Variants in THSD4 observed in about 807,000 individuals in gnomAD.
THSD4 encodes the protein thrombospondin type-1 domain-containing protein 4.
Under a neutral mutation model 119.0 loss-of-function variants are expected in THSD4, and 69 were observed. That is an observed-to-expected ratio of 0.58 (90% CI 0.48 to 0.71). The LOEUF (loss-of-function observed/expected upper bound fraction) is 0.71, where lower values mean the gene tolerates loss of function less well. Ranked by LOEUF, THSD4 falls within the 30% of genes least tolerant of loss-of-function variation. THSD4 has a pLI of 0.00. For missense variants in THSD4, 1,393 were observed against 1,391.1 expected, an observed-to-expected ratio of 1.00 and a Z score of -0.02; for synonymous variants, 524 against 540.4, an observed-to-expected ratio of 0.97 and a Z score of 0.42.
intron 6 of THSD4, among the ~76,000 whole-genome samples, chr15:71,320,818 C>T (rs2045256472): frequency 2.0e-5 from 3 of 151,956 alleles, no homozygotes; most frequent in Non-Finnish European, 4.4e-5. Flanking sequence ...TTTTTTTCAA[C>T]ATCAAGGAAG....
intron 11 of THSD4, among the ~76,000 whole-genome samples, chr15:71,743,257 G>T (rs78576194): frequency 4.6e-5 from 7 of 152,098 alleles, no homozygotes; most frequent in African/African-American, 1.7e-4. Flanking sequence ...TCCTATGGGA[G>T]CCTGTATCCT....
At chr15:71,679,331 T>C (rs1310554332) in intron 8 of THSD4, among the ~76,000 whole-genome samples, 1 of 152,180 alleles carries the variant, frequency 6.6e-6, no homozygotes, top group Non-Finnish European at 1.5e-5. Context: ...AAAGACCATA[T>C]AGTAAATATC....
At chr15:71,286,223 C>T (rs1267924956) in intron 6 of THSD4, among the ~76,000 whole-genome samples, 1 of 152,110 alleles carries the variant, frequency 6.6e-6, no homozygotes, top group East Asian at 1.9e-4. Flanking sequence ...AAATGTGCGT[C>T]ATGGGGGTTT....
At chr15:71,174,059 C>G (rs2043413580) in intron 3 of THSD4, among the ~76,000 whole-genome samples, 1 of 152,030 alleles carries the variant, frequency 6.6e-6, no homozygotes, top group Non-Finnish European at 1.5e-5. Context: ...CCAAAGGCAC[C>G]AGGAACAAAA....
chr15:71,248,577 G>A lies in THSD4; in HGVS notation c.912+5481G>A, dbSNP rs565364016. On this transcript the variant is annotated intron_variant, in intron 5 of 17. Coordinates refer to ENST00000261862, the MANE Select transcript of THSD4 (RefSeq NM_024817.3). ...ACATTATGAGGGAGAAATTCCTGGG[G>A]CTAAAAGCAGCTTTTAGCAAACATG... is the stretch of plus-strand genomic sequence containing the variant. Among the ~76,000 whole-genome samples the A allele has an allele frequency of 2.0e-5, 3 of 152,238 alleles. No homozygotes were observed. The South Asian group carries it at 6.2e-4, about 32-fold the overall frequency.
intron 1 of THSD4, among the ~76,000 whole-genome samples, chr15:71,129,261 T>C (rs2040481947): frequency 6.6e-6 from 1 of 152,146 alleles, no homozygotes; most frequent in Non-Finnish European, 1.5e-5. Flanking sequence ...TCTTGAGGTG[T>C]TGAGTTTTTG....
chr15:71,623,154 GA>G (rs1207166441), intron 7 of THSD4, among the ~76,000 whole-genome samples: 1 of 152,290 alleles, frequency 6.6e-6, no homozygotes, highest in East Asian at 1.9e-4. Flanking sequence ...AAGGGGTAAT[GA>G]AGAGGAAAAC....
chr15:71,498,880 T>G (rs1443831936), intron 7 of THSD4, among the ~76,000 whole-genome samples: 1 of 150,708 alleles, frequency 6.6e-6, no homozygotes, highest in African/African-American at 2.4e-5. Context: ...TTTTTTTGTA[T>G]TTTTTGTAGA....
At chr15:71,660,833 G>A in intron 8 of THSD4, 99 bp downstream of exon 8, 1 of 1,371,184 alleles carries the variant, frequency 7.3e-7, no homozygotes. Flanking sequence ...GAGAGTCCCG[G>A]GGCATGCAGG....
chr15:71,290,991 C>T lies in THSD4; in HGVS notation c.1015+34276C>T, dbSNP rs76964031. 8.1e-3 allele frequency among the ~76,000 whole-genome samples: 1,232 copies of T among 151,544 alleles called. 20 individuals are homozygous for T. The highest frequency in any genetic ancestry group is 0.027 in the African/African-American group (1,107 of 41,266). Reference sequence around the variant, plus strand: ...ATATTCCCCCAAATTCCATCCCACTCCCCAGAGGCAAGTGTCTTCTGGCAT... The same window carrying T: ...ATATTCCCCCAAATTCCATCCCACTTCCCAGAGGCAAGTGTCTTCTGGCAT... On this transcript the variant is annotated intron_variant, in intron 6 of 17. Transcript: ENST00000261862.
At chr15:71,692,840 G>A (rs569844025) in intron 8 of THSD4, among the ~76,000 whole-genome samples, 3 of 152,310 alleles carry the variant, frequency 2.0e-5, no homozygotes, top group East Asian at 3.9e-4. Context: ...AATGCTGACC[G>A]AGGTCATATT....
At chr15:71,129,645 A>T (rs1418478910) in intron 1 of THSD4, among the ~76,000 whole-genome samples, 1 of 152,220 alleles carries the variant, frequency 6.6e-6, no homozygotes, top group African/African-American at 2.4e-5. Context: ...TTTTAATCAC[A>T]GCACCTGATT....
chr15:71,276,765 A>G (rs2044595210), intron 6 of THSD4, among the ~76,000 whole-genome samples: 1 of 152,252 alleles, frequency 6.6e-6, no homozygotes, highest in South Asian at 2.1e-4. Context: ...AATGATGCAA[A>G]TAAATATGAA....
intron 7 of THSD4, among the ~76,000 whole-genome samples, chr15:71,573,819 A>AG (rs1209702754): frequency 6.6e-6 from 1 of 152,224 alleles, no homozygotes; most frequent in Non-Finnish European, 1.5e-5. Flanking sequence ...TTGTGACTTC[A>AG]TTTAGTAACT....
At chr15:71,745,303 T>G in intron 12 of THSD4, 68 bp downstream of exon 12, 1 of 1,569,576 alleles carries the variant, frequency 6.4e-7, no homozygotes, top group Non-Finnish European at 8.7e-7. Flanking sequence ...CACAGGACCT[T>G]AGGAACAGAT....
chr15:71,389,716 C>T (rs2046346336), intron 6 of THSD4, among the ~76,000 whole-genome samples: 1 of 151,616 alleles, frequency 6.6e-6, no homozygotes, highest in Non-Finnish European at 1.5e-5. Flanking sequence ...ATACTGCTTT[C>T]CACATGGCTA....
rs79355889 is a variant in THSD4, at chr15:71,574,760, C to T, written c.1153-85770C>T. On this transcript the variant is annotated intron_variant, in intron 7 of 17. Coordinates refer to ENST00000261862, the MANE Select transcript of THSD4 (RefSeq NM_024817.3). ...ATATCTCATACATGACCGTGATCAT[C>T]TCTTCACAGGAGGAGCTTCAAAGTC... 7.1e-3 allele frequency among the ~76,000 whole-genome samples: 1,084 copies of T among 152,242 alleles called. 10 individuals carry two copies. The highest frequency in any genetic ancestry group is 0.025 in the African/African-American group (1,042 of 41,520).
chr15:71,706,836 C>T (rs1362117136), intron 8 of THSD4, among the ~76,000 whole-genome samples: 1 of 152,146 alleles, frequency 6.6e-6, no homozygotes, highest in Non-Finnish European at 1.5e-5. Flanking sequence ...AAGTTTGACA[C>T]TGAAGAGGAG....
At chr15:71,447,112 TTTTTTG>T (rs1426392139) in intron 7 of THSD4, among the ~76,000 whole-genome samples, 6 of 48,634 alleles carry the variant, frequency 1.2e-4, no homozygotes, top group African/African-American at 2.8e-4. Context: ...TCCCTCCATT[TTTTTTG>T]TTTTTTTTTT....
Sources: allele counts gnomAD v4.1 joint callset (sites outside exome capture counted in the v4.1 genomes callset), GRCh38; gene constraint gnomAD v4.1.1; transcripts MANE v1.5; gene names NCBI Gene and HGNC (gene_info 2026-07-23, HGNC 2026-07-21).